The following MATK variants were observed in gnomAD, a reference collection of about 807,000 sequenced individuals.
MATK encodes the protein megakaryocyte-associated tyrosine-protein kinase.
In MATK, 41 loss-of-function variants were observed where a neutral mutation model predicts 59.8. The ratio of observed to expected loss-of-function variants is 0.69; its 90% confidence interval spans 0.53 to 0.89. The LOEUF (loss-of-function observed/expected upper bound fraction) is 0.89, where lower values mean the gene tolerates loss of function less well. MATK is among the 40% of genes least tolerant of loss of function. The pLI, the probability that MATK is intolerant of heterozygous loss-of-function variation, is 0.00. For synonymous variants in MATK, 308 were observed against 306.1 expected, an observed-to-expected ratio of 1.01 and a Z score of -0.06; for missense variants, 593 against 719.6, an observed-to-expected ratio of 0.82 and a Z score of 2.01.
At position 3,778,589 on chromosome 19, in the gene MATK, T is replaced by C; in HGVS notation, c.1204A>G (p.Thr402Ala). The C allele has an allele frequency of 1.9e-6, 3 of 1,611,936 alleles. No homozygotes were observed. Among genetic ancestry groups the C allele is most frequent in the Non-Finnish European group, 2.5e-6 (3 of 1,179,108 alleles). Reference protein sequence around the residue: ...APEALKHGKFTSKSDVWSFGV... With the variant: ...APEALKHGKFASKSDVWSFGV... ...AAACTCCAGACATCCGACTTGCTGG[T>C]GAACTTCTGTGGGGCCCGAGACGGG... The change falls in exon 13 of 14, where the codon ACC (threonine) becomes GCC (alanine). Residue 402 changes from threonine to alanine, a missense_variant. Thr to Ala is a moderately conservative substitution (Grantham distance 58). Transcript: ENST00000310132.
In MATK at chr19:3,785,104, C is replaced by G. The variant is rs201457859; in HGVS notation, c.32G>C (p.Arg11Pro). ...AGCAGAATCACAGCCGTGAAATGCC[C>G]GCCAGGAAACCAGAGAGCCTCGCCC... is the stretch of plus-strand genomic sequence containing the variant. MAGRGSLVSW[R>P]AFHGCDSAEE... The change falls in exon 2 of 14, where the codon CGG (arginine) becomes CCG (proline). Residue 11 changes from arginine to proline, a missense_variant. By Grantham distance (103) the Arg-to-Pro change is moderately radical. Coordinates refer to ENST00000310132, the MANE Select transcript of MATK (RefSeq NM_139355.3). 8 of 1,614,060 alleles carry G rather than the reference C, an allele frequency of 5.0e-6. No individual in the cohort carries two copies. The East Asian group carries it at 1.6e-4, about 31-fold the overall frequency.
intron 8 of MATK, among the ~76,000 whole-genome samples, chr19:3,780,300 C>G (rs2037381412): frequency 6.6e-6 from 1 of 152,078 alleles, no homozygotes; most frequent in South Asian, 2.1e-4. Flanking sequence ...CCACAAAAAA[C>G]AAAAACAAAG....
At chr19:3,792,253 G>A (rs116398243) in intron 1 of MATK, among the ~76,000 whole-genome samples, 225 of 152,236 alleles carry the variant, frequency 1.5e-3, no homozygotes, top group African/African-American at 5.1e-3. Context: ...GGCAGGGCAC[G>A]ATTCTTATTC....
At chr19:3,789,580 T>G (rs1377140813), upstream of MATK, among the ~76,000 whole-genome samples, 1 of 151,930 alleles carries the variant, frequency 6.6e-6, no homozygotes, top group Non-Finnish European at 1.5e-5. Context: ...GGCAGGGAGC[T>G]CCCCTGACTG....
In MATK at chr19:3,786,310, G is replaced by A. The variant is rs1425759650; in HGVS notation, c.-293C>T. The A allele has an allele frequency of 2.0e-6, 2 of 984,770 alleles. No homozygotes were observed. The highest frequency in any genetic ancestry group is 2.4e-6 in the Non-Finnish European group (2 of 829,806). The allele number at this position is 984,770 out of a possible 1,614,324, so 61.0% of individuals were successfully genotyped here. A position where few individuals can be genotyped will look rare whatever the true frequency, so the allele number is the denominator to read the frequency against. On this transcript the variant is annotated 5_prime_UTR_variant, in exon 1 of 14. Transcript: ENST00000310132. The surrounding 1 kb of genome is among the most constrained non-coding windows in gnomAD (Gnocchi z 4.1). ...TTCCTCATTTTGGGGGCGAAGAAGGGTCGGGGAGTGGGGGAAAGCGGGAGG... is the reference window on the plus strand; with the variant it reads ...TTCCTCATTTTGGGGGCGAAGAAGGATCGGGGAGTGGGGGAAAGCGGGAGG...
At chr19:3,782,756 G>T (rs10421378) in intron 7 of MATK, 127,881 of 259,348 alleles carry the variant, frequency 0.49, 34,329 homozygotes, top group South Asian at 0.64. Flanking sequence ...CCTCTGGGAA[G>T]GAGGCGGTCT....
In MATK at chr19:3,784,402, C is replaced by G. The variant is rs762544633; in HGVS notation, c.182G>C (p.Arg61Pro). The change falls in exon 4 of 14, where the codon CGC becomes CCC. Residue 61 changes from arginine to proline, a missense_variant. Coordinates refer to ENST00000310132, the MANE Select transcript of MATK (RefSeq NM_139355.3). The stretch of plus-strand genomic sequence containing the variant: ...GAAGGCCAGCTCCCCTGGCTTGGGG[C>G]GGGTGTGCTCGCATTTGGTGATACA... ...TQCITKCEHTRPKPGELAFRK... is the reference protein window; with the variant it reads ...TQCITKCEHTPPKPGELAFRK... 6.2e-7 allele frequency: 1 copy of G among 1,604,744 alleles called. No individual in the cohort carries two copies. The highest frequency in any genetic ancestry group is 1.3e-5 in the African/African-American group (1 of 74,954).
At chr19:3,799,198 G>C (rs1267285740) in intron 1 of MATK, among the ~76,000 whole-genome samples, 2 of 152,064 alleles carry the variant, frequency 1.3e-5, no homozygotes, top group African/African-American at 4.8e-5. Context: ...ATTTTAAAAT[G>C]CATTTTCTTA....
chr19:3,778,244 G>T lies in MATK; in HGVS notation c.1463C>A (p.Pro488Gln). The stretch of plus-strand genomic sequence containing the variant: ...GGCGTCCTGCCCTGAGACGGAGGCT[G>T]GGGCACCTGCACTGCGTAGCTCCCG... Reference protein sequence around the residue: ...LARELRSAGAPASVSGQDADG... With the variant: ...LARELRSAGAQASVSGQDADG... The change falls in exon 14 of 14, where the codon CCA becomes CAA. Residue 488 changes from proline (P) to glutamine (Q), a missense_variant. Transcript: ENST00000310132. 1 of 1,576,222 alleles carries T rather than the reference G, an allele frequency of 6.3e-7. No individual in the cohort carries two copies. The highest frequency in any genetic ancestry group is 8.5e-7 in the Non-Finnish European group (1 of 1,170,970).
rs183634090 is a variant in MATK at position 3,800,217 on chromosome 19, G to C, written c.-58+1315C>G. The stretch of plus-strand genomic sequence containing the variant: ...TAGGGTCATGAGAAGAATTAAATTA[G>C]ATAATAAGCACACAGTAAATAGGTG... On this transcript the variant is annotated intron_variant, in intron 1 of 13. Coordinates refer to the MATK transcript ENST00000395045. 2.6e-5 allele frequency among the ~76,000 whole-genome samples: 4 copies of C among 152,046 alleles called. No individual in the cohort carries two copies. The East Asian group carries it at 5.8e-4, about 22-fold the overall frequency.
chr19:3,778,259 C>A lies in MATK; in HGVS notation c.1448G>T (p.Arg483Leu), dbSNP rs374552373. 1.9e-6 allele frequency: 3 copies of A among 1,575,560 alleles called. No individual in the cohort carries two copies. The highest frequency in any genetic ancestry group is 2.6e-6 in the Non-Finnish European group (3 of 1,168,586). The part of the protein sequence containing the change: ...KLAEKLAREL[R>L]SAGAPASVSG... ...GACGGAGGCTGGGGCACCTGCACTG[C>A]GTAGCTCCCGGGCCAGCTTCTCGGC... Residue 483 changes from arginine (R) to leucine (L), a missense_variant, in exon 14 of 14, where the codon CGC becomes CTC. Physicochemically the swap from Arg to Leu is moderately radical, Grantham distance 102. Coordinates refer to ENST00000310132, the MANE Select transcript of MATK (RefSeq NM_139355.3).
chr19:3,797,738 T>C (rs960688887), intron 1 of MATK, among the ~76,000 whole-genome samples: 1 of 151,910 alleles, frequency 6.6e-6, no homozygotes, highest in South Asian at 2.1e-4. Flanking sequence ...AAATAATATG[T>C]AAATAAATAA....
intron 1 of MATK, chr19:3,785,819 G>C (rs2037474843): frequency 6.5e-6 from 1 of 152,932 alleles, no homozygotes; most frequent in Admixed American, 6.5e-5. Context: ...GGAACACCTG[G>C]GCGCCAGCGC....
Position 3,786,157 on chromosome 19 carries a change from C to G in MATK, c.-152+12G>C. The G allele has an allele frequency of 1.0e-6, 1 of 971,252 alleles. No homozygotes were observed. Among genetic ancestry groups the G allele is most frequent in the Non-Finnish European group, 1.2e-6 (1 of 817,360 alleles). The allele number at this position is 971,252 out of a possible 1,614,324, so 60.2% of individuals were successfully genotyped here. On this transcript the variant is annotated intron_variant, in intron 1 of 13. Transcript: ENST00000310132. This position sits in a 1 kb window ranked among gnomAD's most constrained non-coding sequence, Gnocchi z 4.1. ...TCGGGGTCTCTCCACGTCTCCCCGC[C>G]GACGTGCTCACCTGCTCAGGGGGCG...
intron 1 of MATK, among the ~76,000 whole-genome samples, chr19:3,795,052 A>G (rs1474936576): frequency 1.5e-5 from 2 of 131,414 alleles, no homozygotes; most frequent in African/African-American, 6.0e-5. Context: ...ATCTTGGCTC[A>G]CTGCACGCTC....
At chr19:3,791,672 C>A (rs921256225) in intron 1 of MATK, among the ~76,000 whole-genome samples, 15 of 150,166 alleles carry the variant, frequency 1.0e-4, no homozygotes, top group African/African-American at 1.5e-4. Flanking sequence ...GAGTGTTTTT[C>A]TATTTCTTTC....
At chr19:3,800,106 C>A (rs1376097669) in intron 1 of MATK, among the ~76,000 whole-genome samples, 1 of 147,458 alleles carries the variant, frequency 6.8e-6, no homozygotes, top group African/African-American at 2.5e-5. Flanking sequence ...TGTGCCACTG[C>A]GCTCCAGCCT....
rs2037426206 is a variant in MATK at position 3,783,236 on chromosome 19, C to A, written c.583-17G>T. ...GCTGTAATGCTGCAGGATGGTGGGA[C>A]AGCCATGAGCCCAGCCCCAGGGAGG... On this transcript the variant is annotated splice_polypyrimidine_tract_variant and intron_variant, in intron 6 of 13. Transcript: ENST00000310132. The A allele has an allele frequency of 6.3e-7, 1 of 1,598,332 alleles. No individual in the cohort carries two copies.
rs1434612206 is a variant in MATK at position 3,783,797 on chromosome 19, C to A, written c.582+17G>T. On this transcript the variant is annotated intron_variant, in intron 6 of 13. Transcript: ENST00000310132. ...GCCCCACTGCAGGGACGGGGTGGGGCCTCTGGGTGGCAGCACCTCCACCAT... is the reference window on the plus strand; with the variant it reads ...GCCCCACTGCAGGGACGGGGTGGGGACTCTGGGTGGCAGCACCTCCACCAT... The A allele has an allele frequency of 1.2e-6, 2 of 1,605,672 alleles. No individual in the cohort carries two copies. The highest frequency in any genetic ancestry group is 1.7e-6 in the Non-Finnish European group (2 of 1,174,564).
Sources: allele counts gnomAD v4.1 joint callset (sites outside exome capture counted in the v4.1 genomes callset), GRCh38; gene constraint gnomAD v4.1.1; non-coding constraint Gnocchi (gnomAD v3.1); transcripts MANE v1.5; gene names NCBI Gene and HGNC (gene_info 2026-07-23, HGNC 2026-07-21).